The following SLC25A3 variants were observed in gnomAD, a reference collection of about 807,000 sequenced individuals.
The protein encoded by SLC25A3 is phosphate transport protein.
Under a neutral mutation model 37.1 loss-of-function variants are expected in SLC25A3, and 14 were observed. The ratio of observed to expected loss-of-function variants is 0.38; its 90% CI spans 0.25 to 0.59. SLC25A3 has a LOEUF of 0.59. SLC25A3 is among the 20% of genes least tolerant of loss of function. The pLI is 0.67. For synonymous variants in SLC25A3, 161 were observed against 168.7 expected (o/e 0.95, Z 0.36); for missense variants, 385 against 458.1 (o/e 0.84, Z 1.46).
Position 98,599,959 on chromosome 12 carries a change from T to G in SLC25A3, c.646T>G (p.Tyr216Asp). 1 of 1,613,924 alleles carries G rather than the reference T, an allele frequency of 6.2e-7. No homozygotes were observed. Among genetic ancestry groups the G allele is most frequent in the East Asian group, 2.2e-5 (1 of 44,884 alleles). The change falls in exon 6 of 8, where the codon TAC (tyrosine) becomes GAC (aspartate). Residue 216 changes from tyrosine to aspartate, a missense_variant. Around this residue, in one of 2 missense-constraint regions of SLC25A3, gnomAD observed 276 missense variants for 367.6 expected, o/e 0.75. Coordinates refer to ENST00000552981, the MANE Select transcript of SLC25A3 (RefSeq NM_002635.4). ...ACAAGTCTCTTGATTTCCTAGATTC[T>G]ACAAGGGGGTTGCTCCTCTCTGGAT... ...MYKEEGLKAF[Y>D]KGVAPLWMRQ...
Position 98,603,547 on chromosome 12 carries a change from C to CATT in SLC25A3, c.*2021_*2023dup, listed in dbSNP as rs956710891. 80 of 152,292 alleles carry CATT rather than the reference C, an allele frequency of 5.3e-4. No homozygotes were observed. Among genetic ancestry groups the CATT allele is most frequent in the African/African-American group, 1.8e-3 (75 of 41,558 alleles). 9.4% of individuals were successfully genotyped at this position (152,292 alleles called of 1,614,324 possible). A position where few individuals can be genotyped will look rare whatever the true frequency, so the allele number is the denominator to read the frequency against. ...ACGTGTAAGAGGAGCAGTAGAAACG[C>CATT]ATTAGTCCAGCCAACGTGAAAGTGG... On this transcript the variant is annotated 3_prime_UTR_variant, in exon 8 of 8. Coordinates refer to ENST00000552981, the MANE Select transcript of SLC25A3 (RefSeq NM_002635.4).
chr12:98,594,456 T>G (rs901529301), intron 2 of SLC25A3: 2 of 660,982 alleles, frequency 3.0e-6, no homozygotes, highest in Middle Eastern at 3.9e-4. Flanking sequence ...CTGGGTAAAC[T>G]CTCCTCCCGA....
intron 5 of SLC25A3, 193 bp from the exon 6 acceptor site, chr12:98,599,762 G>A (rs746392287): frequency 1.0e-5 from 8 of 763,172 alleles, no homozygotes; most frequent in Non-Finnish European, 1.9e-5. Context: ...ATAGTCAAAG[G>A]TGCTTGAGTC....
At chr12:98,595,178 A>T in intron 2 of SLC25A3, 1 of 489,666 alleles carries the variant, frequency 2.0e-6, no homozygotes, top group African/African-American at 1.9e-5. Context: ...TAATTGTAAA[A>T]GCCGTTAATG....
intron 3 of SLC25A3, among the ~76,000 whole-genome samples, chr12:98,597,128 C>T (rs1237174904): frequency 1.3e-5 from 2 of 152,146 alleles, no homozygotes; most frequent in African/African-American, 2.4e-5. Flanking sequence ...TTAACTATCA[C>T]TCCAAGACTT....
In SLC25A3 at chr12:98,604,263, A is replaced by AAC. The variant is rs1302964992; in HGVS notation, c.*2736_*2737insCA. On this transcript the variant is annotated 3_prime_UTR_variant, in exon 8 of 8. Transcript: ENST00000552981. The stretch of plus-strand genomic sequence containing the variant: ...GCGAAACTCTGTCTCAAAAAAAAAA[A>AAC]ATATATATATATATATATATATATG... 5 of 134,592 alleles carry AAC rather than the reference A, an allele frequency of 3.7e-5. No individual in the cohort carries two copies. Among genetic ancestry groups the AAC allele is most frequent in the Non-Finnish European group, 7.8e-5 (5 of 64,438 alleles). 8.3% of individuals were successfully genotyped at this position (134,592 alleles called of 1,614,324 possible).
At chr12:98,595,224 C>A (rs550205242) in intron 2 of SLC25A3, 7 of 576,880 alleles carry the variant, frequency 1.2e-5, no homozygotes, top group Non-Finnish European at 1.8e-5. Flanking sequence ...TGGCAGAATA[C>A]GAGCTATTAA....
rs2097598525 is a variant in SLC25A3 at position 98,602,275 on chromosome 12, C to G, written c.*747C>G. 2.0e-5 allele frequency: 3 copies of G among 152,312 alleles called. No homozygotes were observed. The highest frequency in any genetic ancestry group is 7.2e-5 in the African/African-American group (3 of 41,386). 9.4% of individuals were successfully genotyped at this position (152,312 alleles called of 1,614,324 possible). A position where few individuals can be genotyped will look rare whatever the true frequency, so the allele number is the denominator to read the frequency against. ...TGCCTCCCAGGTTCAAGCGATTGTTCTGCCTCAGCCTCCCAAGTAGCTGGG... is the reference window on the plus strand; with the variant it reads ...TGCCTCCCAGGTTCAAGCGATTGTTGTGCCTCAGCCTCCCAAGTAGCTGGG... On this transcript the variant is annotated 3_prime_UTR_variant, in exon 8 of 8. Transcript: ENST00000552981.
Position 98,602,790 on chromosome 12 carries a change from T to C in SLC25A3, c.*1262T>C, listed in dbSNP as rs1394839891. On this transcript the variant is annotated 3_prime_UTR_variant, in exon 8 of 8. Transcript: ENST00000552981. ...CACTAGATTTTACCTAGAGTCCTTA[T>C]GTGTAATACGTGGGTTGGTTAACAG... 2 of 152,212 alleles carry C rather than the reference T, an allele frequency of 1.3e-5. No homozygotes were observed. The highest frequency in any genetic ancestry group is 2.9e-5 in the Non-Finnish European group (2 of 68,034). 9.4% of individuals were successfully genotyped at this position (152,212 alleles called of 1,614,324 possible).
At chr12:98,600,220 G>T (rs1309915143) in intron 6 of SLC25A3, 93 bp downstream of exon 6, 1 of 918,206 alleles carries the variant, frequency 1.1e-6, no homozygotes, top group Admixed American at 1.8e-5. Context: ...TACTCCAAAG[G>T]TTATAAAGCA....
rs143480678 is a variant in SLC25A3 at position 98,600,016 on chromosome 12, G to A, written c.703G>A (p.Ala235Thr). The change falls in exon 6 of 8, where the codon GCC becomes ACC. Residue 235 changes from alanine (A) to threonine (T), a missense_variant. Transcript: ENST00000552981. ...GATACCATACACCATGATGAAGTTC[G>A]CCTGCTTTGAACGTACTGTTGAAGC... ...RQIPYTMMKFACFERTVEALY... is the reference protein window; with the variant it reads ...RQIPYTMMKFTCFERTVEALY... 2.8e-5 allele frequency: 45 copies of A among 1,613,978 alleles called. No individual in the cohort carries two copies. In the African/African-American group the frequency reaches 4.8e-4, roughly 17 times the overall value.
rs771170406 is a variant in SLC25A3 at position 98,599,979 on chromosome 12, C to T, written c.666C>T (p.Leu222=). 1.4e-5 allele frequency: 23 copies of T among 1,613,800 alleles called. No homozygotes were observed. In the Admixed American group the frequency reaches 2.8e-4, roughly 20 times the overall value. Residue 222 remains leucine, a synonymous_variant, in exon 6 of 8, where the codon CTC becomes CTT. Transcript: ENST00000552981. ...LKAFYKGVAP[L]WMRQIPYTMM... ...GATTCTACAAGGGGGTTGCTCCTCT[C>T]TGGATGAGACAGATACCATACACCA...
At position 98,604,860 on chromosome 12, in the gene SLC25A3, C is replaced by T. The variant is rs1032554547; in HGVS notation, c.*3332C>T. On this transcript the variant is annotated 3_prime_UTR_variant, in exon 8 of 8. Transcript: ENST00000552981. ...CACTGCAGCCTCGATCTCCCAAGCT[C>T]AAGTGATCCTCCCACCTCAGCCTCT... The T allele has an allele frequency of 5.2e-5, 8 of 152,702 alleles. No individual in the cohort carries two copies. The highest frequency in any genetic ancestry group is 1.9e-4 in the African/African-American group (8 of 41,466). The allele number at this position is 152,702 out of a possible 1,614,324, so 9.5% of individuals were successfully genotyped here. A position where few individuals can be genotyped will look rare whatever the true frequency, so the allele number is the denominator to read the frequency against.
chr12:98,594,479 C>T (rs968357479), intron 2 of SLC25A3: 1 of 640,614 alleles, frequency 1.6e-6, no homozygotes, highest in Non-Finnish European at 2.8e-6. Flanking sequence ...CTACTGACCA[C>T]CCACAGTTCT....
chr12:98,596,071 G>C (rs1342032290), intron 3 of SLC25A3, among the ~76,000 whole-genome samples: 1 of 152,114 alleles, frequency 6.6e-6, no homozygotes, highest in Non-Finnish European at 1.5e-5. Context: ...GCTGTAAATG[G>C]CTCTTTGCTG....
At chr12:98,598,096 G>C in intron 4 of SLC25A3, 61 bp downstream of exon 4, 2 of 1,570,726 alleles carry the variant, frequency 1.3e-6, no homozygotes, top group Non-Finnish European at 1.8e-6. Flanking sequence ...AGTGTTCTTA[G>C]ATTTTTGTCT....
chr12:98,597,510 C>G, intron 3 of SLC25A3: 1 of 274,048 alleles, frequency 3.6e-6, no homozygotes, highest in South Asian at 3.8e-5. Flanking sequence ...CTCCCTCCCT[C>G]AGGCTCAAGC....
chr12:98,594,576 C>T, intron 2 of SLC25A3: 2 of 577,398 alleles, frequency 3.5e-6, no homozygotes, highest in Non-Finnish European at 3.1e-6. Flanking sequence ...GACGCCAGGT[C>T]AGTCATTTTT....
At chr12:98,597,639 G>A in intron 3 of SLC25A3, 1 of 547,162 alleles carries the variant, frequency 1.8e-6, no homozygotes, top group Non-Finnish European at 3.2e-6. Context: ...GCCCAGGCTG[G>A]TCTTGAACTC....
Sources: gnomAD v4.1 joint callset for allele counts (sites outside exome capture counted in the v4.1 genomes callset) on GRCh38, gnomAD v4.1.1 for gene constraint, gnomAD v4.1.1 regional missense constraint, MANE v1.5 for transcripts, NCBI Gene and HGNC (gene_info 2026-07-23, HGNC 2026-07-21) for gene names.